Variants in FAM227B observed in about 807,000 individuals in gnomAD.
The protein encoded by FAM227B is protein FAM227B.
In FAM227B, 88 loss-of-function variants were observed where a neutral mutation model predicts 73.8. The ratio of observed to expected loss-of-function variants is 1.19; its 90% CI spans 1.00 to 1.42. The LOEUF is 1.42. FAM227B is among the 40% of genes most tolerant of loss of function. FAM227B has a pLI of 0.00. For missense variants in FAM227B, 632 were observed against 590.9 expected, an observed-to-expected ratio of 1.07 and a Z score of -0.72; for synonymous variants, 210 against 190.5, an observed-to-expected ratio of 1.10 and a Z score of -0.84.
intron 11 of FAM227B, chr15:49,395,980 C>G: frequency 2.2e-6 from 1 of 455,918 alleles, no homozygotes; most frequent in Non-Finnish European, 4.4e-6. Flanking sequence ...CTTACCAAAA[C>G]TGGGGGCGAG....
chr15:49,577,791 C>G, intron 5 of FAM227B, 127 bp from the exon 6 acceptor site: 1 of 503,932 alleles, frequency 2.0e-6, no homozygotes, highest in Non-Finnish European at 3.5e-6. Flanking sequence ...CTACAGAGGC[C>G]TAAAATACTA....
intron 13 of FAM227B, among the ~76,000 whole-genome samples, chr15:49,336,370 T>C (rs984480076): frequency 2.6e-5 from 4 of 152,204 alleles, no homozygotes; most frequent in African/African-American, 9.6e-5. Context: ...CCCTTTGAAG[T>C]GGCAATTGGC....
intron 13 of FAM227B, among the ~76,000 whole-genome samples, chr15:49,351,966 T>C (rs1265912880): frequency 6.6e-6 from 1 of 152,250 alleles, no homozygotes; most frequent in Non-Finnish European, 1.5e-5. Flanking sequence ...TCTGTAGTTC[T>C]AGGTGTTGAC....
At position 49,403,517 on chromosome 15, in the gene FAM227B, C is replaced by A. The variant is rs556553666; in HGVS notation, c.1013-32118G>T. ...AGTGTGTATGTGTCCAGGAATTTAT[C>A]CATTCCTTCTAGATTTTCTAGTTTA... On this transcript the variant is annotated intron_variant, in intron 11 of 15. Transcript: ENST00000299338. Among the ~76,000 whole-genome samples, 18 of 152,230 alleles carry A rather than the reference C, an allele frequency of 1.2e-4. 1 individual carries two copies. The South Asian group carries it at 3.5e-3, about 30-fold the overall frequency.
intron 13 of FAM227B, among the ~76,000 whole-genome samples, chr15:49,354,824 A>G (rs1264736673): frequency 1.3e-5 from 2 of 151,964 alleles, no homozygotes; most frequent in African/African-American, 2.4e-5. Flanking sequence ...TAACCTCTGC[A>G]GACTTAAATG....
At chr15:49,544,034 T>C in intron 9 of FAM227B, among the ~76,000 whole-genome samples, 1 of 152,094 alleles carries the variant, frequency 6.6e-6, no homozygotes, top group East Asian at 1.9e-4. Flanking sequence ...TGCAGAAAGA[T>C]GATGTTACTT....
intron 8 of FAM227B, among the ~76,000 whole-genome samples, chr15:49,571,123 T>C (rs1437730064): frequency 2.9e-4 from 44 of 151,752 alleles, no homozygotes; most frequent in Admixed American, 2.9e-3. Context: ...ACGGTGATTC[T>C]ACTTTCAGTT....
intron 11 of FAM227B, chr15:49,485,125 T>A (rs2056298757): frequency 6.6e-6 from 1 of 152,256 alleles, no homozygotes; most frequent in Non-Finnish European, 1.5e-5. Context: ...CTTATACCTA[T>A]AAATAAGAAC....
intron 11 of FAM227B, among the ~76,000 whole-genome samples, chr15:49,498,288 C>T (rs1478503233): frequency 6.6e-6 from 1 of 152,124 alleles, no homozygotes; most frequent in African/African-American, 2.4e-5. Context: ...AGGAAAATTA[C>T]TTAATCAACT....
chr15:49,548,184 T>C (rs999597092), intron 9 of FAM227B, among the ~76,000 whole-genome samples: 9 of 152,208 alleles, frequency 5.9e-5, no homozygotes, highest in African/African-American at 2.2e-4. Flanking sequence ...TATGCTGAGG[T>C]ATATTCCTTA....
intron 9 of FAM227B, among the ~76,000 whole-genome samples, chr15:49,552,379 T>C (rs965819219): frequency 1.3e-4 from 17 of 133,020 alleles, no homozygotes; most frequent in Non-Finnish European, 1.9e-4. Context: ...TTGTATGTTG[T>C]TTCTTTCTTT....
chr15:49,604,710 T>C (rs118169302), intron 3 of FAM227B, among the ~76,000 whole-genome samples: 1 of 152,208 alleles, frequency 6.6e-6, no homozygotes, highest in East Asian at 1.9e-4. Flanking sequence ...CAATGTCCCA[T>C]GTCTCATAGG....
At chr15:49,529,245 T>A (rs1212127736) in intron 10 of FAM227B, among the ~76,000 whole-genome samples, 2 of 151,532 alleles carry the variant, frequency 1.3e-5, no homozygotes, top group Non-Finnish European at 3.0e-5. Context: ...ATACCATATA[T>A]TCTCATAAGT....
chr15:49,418,917 AAACTT>A (rs1338983219), intron 11 of FAM227B, among the ~76,000 whole-genome samples: 1 of 152,136 alleles, frequency 6.6e-6, no homozygotes. Context: ...GTTTGGTAAA[AAACTT>A]AACTTCAGTT....
chr15:49,554,476 C>T (rs1956492073), intron 9 of FAM227B, among the ~76,000 whole-genome samples: 2 of 152,202 alleles, frequency 1.3e-5, no homozygotes, highest in Admixed American at 1.3e-4. Flanking sequence ...GTTCTGACCG[C>T]TGGGATCCAC....
At chr15:49,353,595 AAGTTGAAG>A (rs2042573614) in intron 13 of FAM227B, 1 of 150,752 alleles carries the variant, frequency 6.6e-6, no homozygotes, top group African/African-American at 2.5e-5. Flanking sequence ...CCAATTTTTG[AAGTTGAAG>A]GAAAATAAGG....
intron 11 of FAM227B, among the ~76,000 whole-genome samples, chr15:49,381,430 A>AC (rs2046526917): frequency 6.6e-6 from 1 of 152,188 alleles, no homozygotes. Context: ...TATAAAAGTA[A>AC]CATGCTAAGG....
chr15:49,498,556 A>C (rs908848996), intron 11 of FAM227B, among the ~76,000 whole-genome samples: 14 of 152,278 alleles, frequency 9.2e-5, no homozygotes, highest in South Asian at 6.2e-4. Flanking sequence ...AGACCATCTC[A>C]TCCAGAAACA....
chr15:49,408,048 C>T (rs1373949997), intron 11 of FAM227B, among the ~76,000 whole-genome samples: 2 of 152,034 alleles, frequency 1.3e-5, no homozygotes, highest in African/African-American at 2.4e-5. Flanking sequence ...AGTATTTCAT[C>T]CTTTTTGTTT....
Sources: gnomAD v4.1 joint callset for allele counts (sites outside exome capture counted in the v4.1 genomes callset) on GRCh38, gnomAD v4.1.1 for gene constraint, MANE v1.5 for transcripts, NCBI Gene and HGNC (gene_info 2026-07-23, HGNC 2026-07-21) for gene names.